Variants in COLEC12 observed in about 807,000 individuals in gnomAD.
The protein encoded by COLEC12 is collectin-12.
A neutral mutation model predicts 71.1 loss-of-function variants in COLEC12; 33 were observed. The observed-to-expected ratio is 0.46, with a 90% CI of 0.35 to 0.62. COLEC12 has a LOEUF of 0.62. Among genes scored for constraint, COLEC12 ranks in the 20% least tolerant of loss-of-function variants. The pLI is 0.00. For synonymous variants in COLEC12, 350 were observed against 353.0 expected (o/e 0.99, Z 0.10); for missense variants, 765 against 916.1 (o/e 0.84, Z 2.13).
intron 2 of COLEC12, among the ~76,000 whole-genome samples, chr18:376,971 T>C (rs561543661): frequency 1.1e-4 from 17 of 152,332 alleles, no homozygotes; most frequent in African/African-American, 4.1e-4. Flanking sequence ...GCGTTTTTTA[T>C]AAAGGGACTT....
intron 2 of COLEC12, among the ~76,000 whole-genome samples, chr18:450,233 G>T (rs530249733): frequency 6.6e-6 from 1 of 152,052 alleles, no homozygotes; most frequent in Non-Finnish European, 1.5e-5. Context: ...TGTCTTTTCC[G>T]CCTATTTCAC....
At chr18:392,365 T>C (rs1020383713) in intron 2 of COLEC12, among the ~76,000 whole-genome samples, 7 of 152,320 alleles carry the variant, frequency 4.6e-5, no homozygotes, top group African/African-American at 1.7e-4. Flanking sequence ...TCACCGAACA[T>C]CCATGCTAAC....
chr18:412,730 G>A (rs118112675), intron 2 of COLEC12, among the ~76,000 whole-genome samples: 47 of 152,234 alleles, frequency 3.1e-4, no homozygotes, highest in Non-Finnish European at 5.3e-4. Context: ...TAGAACTAGC[G>A]AAATGACAAT....
At chr18:401,069 T>G (rs8084893) in intron 2 of COLEC12, among the ~76,000 whole-genome samples, 1 of 151,986 alleles carries the variant, frequency 6.6e-6, no homozygotes, top group Non-Finnish European at 1.5e-5. Context: ...TTGTGACTTA[T>G]CCACATGGAA....
chr18:363,315 T>C (rs1326230577), intron 2 of COLEC12, among the ~76,000 whole-genome samples: 1 of 152,200 alleles, frequency 6.6e-6, no homozygotes, highest in Admixed American at 6.5e-5. Flanking sequence ...AATGGATACA[T>C]TGCAGATCCA....
intron 2 of COLEC12, among the ~76,000 whole-genome samples, chr18:445,767 G>A (rs1916635433): frequency 6.6e-6 from 1 of 151,722 alleles, no homozygotes; most frequent in Non-Finnish European, 1.5e-5. Context: ...TGAGTAGCTG[G>A]GATTACGGGT....
intron 8 of COLEC12, among the ~76,000 whole-genome samples, chr18:325,188 C>G (rs1913806846): frequency 6.6e-6 from 1 of 151,962 alleles, no homozygotes; most frequent in African/African-American, 2.4e-5. Flanking sequence ...ATGAGACCAT[C>G]TTAAAAAATA....
chr18:479,007 T>C (rs992334163), intron 2 of COLEC12, among the ~76,000 whole-genome samples: 6 of 151,400 alleles, frequency 4.0e-5, no homozygotes, highest in Non-Finnish European at 8.8e-5. Flanking sequence ...AAGGTCACCC[T>C]TTCTAAAGAG....
intron 4 of COLEC12, among the ~76,000 whole-genome samples, chr18:347,785 G>A (rs1445417375): frequency 2.6e-5 from 4 of 152,042 alleles, no homozygotes; most frequent in Non-Finnish European, 5.9e-5. Context: ...TTATGTGACA[G>A]TTTTTAATAA....
intron 2 of COLEC12, among the ~76,000 whole-genome samples, chr18:442,000 TCTACACAC>T (rs755012889): frequency 0.094 from 10,834 of 115,604 alleles, 593 homozygotes; most frequent in African/African-American, 0.19. Context: ...ACTCTCTCTC[TCTACACAC>T]ACACACACAC....
At chr18:395,172 G>A (rs549905888) in intron 2 of COLEC12, among the ~76,000 whole-genome samples, 137 of 152,314 alleles carry the variant, frequency 9.0e-4, no homozygotes, top group African/African-American at 3.0e-3. Flanking sequence ...CAGAAATTTA[G>A]GACTCAGACC....
At chr18:404,612 C>A (rs1915750441) in intron 2 of COLEC12, among the ~76,000 whole-genome samples, 1 of 152,210 alleles carries the variant, frequency 6.6e-6, no homozygotes, top group Non-Finnish European at 1.5e-5. Context: ...GTGAAGATTT[C>A]ATTTTAATAT....
At chr18:339,572 A>C (rs1396286863) in intron 5 of COLEC12, among the ~76,000 whole-genome samples, 1 of 151,712 alleles carries the variant, frequency 6.6e-6, no homozygotes, top group East Asian at 1.9e-4. Flanking sequence ...TCTATCCTAA[A>C]TAGGTTACCT....
intron 5 of COLEC12, among the ~76,000 whole-genome samples, chr18:340,396 T>TCTA (rs1914224054): frequency 6.6e-6 from 1 of 152,138 alleles, no homozygotes; most frequent in South Asian, 2.1e-4. Flanking sequence ...CAGTGACACC[T>TCTA]CTACCCCACG....
intron 2 of COLEC12, among the ~76,000 whole-genome samples, chr18:418,692 C>T (rs1916036458): frequency 6.6e-6 from 1 of 152,212 alleles, no homozygotes; most frequent in African/African-American, 2.4e-5. Context: ...ACACTCCCAC[C>T]AGCGCCATGA....
At chr18:365,826 A>AT (rs1914844323) in intron 2 of COLEC12, among the ~76,000 whole-genome samples, 1 of 152,164 alleles carries the variant, frequency 6.6e-6, no homozygotes, top group Non-Finnish European at 1.5e-5. Flanking sequence ...GGCACTCAGA[A>AT]TCTTGAGGCC....
intron 2 of COLEC12, among the ~76,000 whole-genome samples, chr18:457,064 T>C (rs1188349310): frequency 6.6e-6 from 1 of 152,206 alleles, no homozygotes; most frequent in Non-Finnish European, 1.5e-5. Context: ...GGGTTTTCTC[T>C]TGGCAAGGAT....
chr18:367,080 C>T (rs935374473), intron 2 of COLEC12, among the ~76,000 whole-genome samples: 23 of 152,308 alleles, frequency 1.5e-4, no homozygotes, highest in African/African-American at 5.1e-4. Context: ...TTGTGGGTCT[C>T]GGCACTTTCA....
At chr18:495,264 T>C (rs1338597694) in intron 1 of COLEC12, among the ~76,000 whole-genome samples, 1 of 152,254 alleles carries the variant, frequency 6.6e-6, no homozygotes, top group Non-Finnish European at 1.5e-5. Flanking sequence ...AACTCTGTTG[T>C]CAGCAGTAAA....
Sources: allele counts gnomAD v4.1 joint callset (sites outside exome capture counted in the v4.1 genomes callset), GRCh38; gene constraint gnomAD v4.1.1; transcripts MANE v1.5; gene names NCBI Gene and HGNC (gene_info 2026-07-23, HGNC 2026-07-21).